WIPI1: variants seen among roughly 807,000 people sequenced by gnomAD.
The protein encoded by WIPI1 is WD repeat domain, phosphoinositide interacting 1.
Under a neutral mutation model 55.3 loss-of-function variants are expected in WIPI1, and 45 were observed. That is an observed-to-expected ratio of 0.81 (90% CI 0.64 to 1.04). The LOEUF (loss-of-function observed/expected upper bound fraction) is 1.04. Ranked by LOEUF, WIPI1 falls within the 50% of genes least tolerant of loss-of-function variation. WIPI1 has a pLI of 0.00. For synonymous variants in WIPI1, 195 were observed against 217.6 expected, an observed-to-expected ratio of 0.90 and a Z score of 0.92; for missense variants, 445 against 559.0, an observed-to-expected ratio of 0.80 and a Z score of 2.06.
intron 2 of WIPI1, among the ~76,000 whole-genome samples, chr17:68,452,218 C>T (rs552542285): frequency 3.9e-5 from 6 of 152,294 alleles, no homozygotes; most frequent in East Asian, 1.9e-4. Context: ...CAAATACTTC[C>T]AAAACTGAAT....
At position 68,430,072 on chromosome 17, in the gene WIPI1, T is replaced by C. The variant is rs201068452; in HGVS notation, c.889A>G (p.Met297Val). ...TNYLPTQVSD[M>V]MHQDRAFATA... ...GCAAAAGCCCTGTCCTGATGCATCA[T>C]GTCTGACACCTGGGTAGGGAGGTAG... Residue 297 changes from methionine (M) to valine (V), a missense_variant, in exon 9 of 13, where the codon ATG becomes GTG. Met to Val is a conservative substitution (Grantham distance 21). Coordinates refer to ENST00000262139, the MANE Select transcript of WIPI1 (RefSeq NM_017983.7). 48 of 1,614,194 alleles carry C rather than the reference T, an allele frequency of 3.0e-5. 1 individual carries two copies. In the Middle Eastern group the frequency reaches 4.9e-4, roughly 17 times the overall value.
At position 68,429,987 on chromosome 17, in the gene WIPI1, T is replaced by G; in HGVS notation, c.965+9A>C. On this transcript the variant is annotated intron_variant, in intron 9 of 12. Coordinates refer to ENST00000262139, the MANE Select transcript of WIPI1 (RefSeq NM_017983.7). Reference sequence around the variant, plus strand: ...TGGTCTTGTTCAGAGTGGGTGTCATTGTACGTACGTTGAGAGGGTACAGAT... The same window carrying G: ...TGGTCTTGTTCAGAGTGGGTGTCATGGTACGTACGTTGAGAGGGTACAGAT... 1 of 1,614,054 alleles carries G rather than the reference T, an allele frequency of 6.2e-7. No individual in the cohort carries two copies. Among genetic ancestry groups the G allele is most frequent in the Non-Finnish European group, 8.5e-7 (1 of 1,179,960 alleles).
At chr17:68,425,936 G>T in intron 12 of WIPI1, 139 bp downstream of exon 12, 4 of 685,508 alleles carry the variant, frequency 5.8e-6, no homozygotes, top group Non-Finnish European at 1.0e-5. Context: ...AATATCCTAT[G>T]GCTTTCCAAA....
In WIPI1 at chr17:68,424,452, T is replaced by C. The variant is rs749374782; in HGVS notation, c.1293+1623A>G. On this transcript the variant is annotated intron_variant, in intron 12 of 12. Coordinates refer to ENST00000262139, the MANE Select transcript of WIPI1 (RefSeq NM_017983.7). ...AGACCTGCACTCCATCCTTTTACAA[T>C]TGGAAGCTCAATGGACACAAAACAA... 11 of 534,610 alleles carry C rather than the reference T, an allele frequency of 2.1e-5. No homozygotes were observed. In the African/African-American group the frequency reaches 2.1e-4, roughly 10 times the overall value. The allele number at this position is 534,610 out of a possible 1,614,324, so 33.1% of individuals were successfully genotyped here. A position where few individuals can be genotyped will look rare whatever the true frequency, so the allele number is the denominator to read the frequency against.
At position 68,457,397 on chromosome 17, in the gene WIPI1, G is replaced by T. The variant is rs370958653; in HGVS notation, c.25C>A (p.Pro9Thr). The change falls in exon 1 of 13, where the codon CCC becomes ACC. Residue 9 changes from proline (P) to threonine (T), a missense_variant. By Grantham distance (38) the Pro-to-Thr change is conservative (BLOSUM62 -1). Coordinates refer to ENST00000262139, the MANE Select transcript of WIPI1 (RefSeq NM_017983.7). ...AGCGCCGACTCAACCCCGCCCGGGG[G>T]AGCGTCCGCGGCCTCGGCCTCCATC... is the stretch of plus-strand genomic sequence containing the variant. Reference protein sequence around the residue: MEAEAADAPPGGVESALSC... With the variant: MEAEAADATPGGVESALSC... 6.6e-4 allele frequency: 1,005 copies of T among 1,532,040 alleles called. No homozygotes were observed. Among genetic ancestry groups the T allele is most frequent in the Non-Finnish European group, 6.7e-4 (766 of 1,140,806 alleles). 94.9% of individuals were successfully genotyped at this position (1,532,040 alleles called of 1,614,324 possible). A position where few individuals can be genotyped will look rare whatever the true frequency, so the allele number is the denominator to read the frequency against.
At chr17:68,447,382 A>G (rs551463337) in intron 3 of WIPI1, among the ~76,000 whole-genome samples, 4 of 152,156 alleles carry the variant, frequency 2.6e-5, no homozygotes, top group African/African-American at 7.2e-5. Context: ...TTAAATTTTT[A>G]AATTTTTATT....
intron 2 of WIPI1, among the ~76,000 whole-genome samples, chr17:68,451,652 A>G (rs564491034): frequency 1.3e-5 from 2 of 152,268 alleles, no homozygotes; most frequent in South Asian, 4.1e-4. Context: ...TCTGCTTCAG[A>G]ATTCTTCTTG....
At chr17:68,426,254 G>GCCCCCCCCCC in intron 11 of WIPI1, 79 bp from the exon 12 acceptor site, 10 of 816,868 alleles carry the variant, frequency 1.2e-5, no homozygotes, top group East Asian at 3.5e-5. Flanking sequence ...GGGAGCGGGG[G>GCCCCCCCCCC]CTCAAATAAA....
intron 4 of WIPI1, among the ~76,000 whole-genome samples, chr17:68,441,475 C>T (rs2084074385): frequency 1.3e-5 from 2 of 152,190 alleles, no homozygotes; most frequent in Admixed American, 6.5e-5. Context: ...GTCACAGTTT[C>T]CATCTTATTT....
rs150206376 is a variant in WIPI1, at chr17:68,449,186, T to C, written c.333+1542A>G. On this transcript the variant is annotated intron_variant, in intron 3 of 12. Coordinates refer to ENST00000262139, the MANE Select transcript of WIPI1 (RefSeq NM_017983.7). ...CTCTGGGAATACTTAATTGAATAGA[T>C]AAATCTGCATGGTCACATAAAGAAT... 1.2e-3 allele frequency among the ~76,000 whole-genome samples: 178 copies of C among 152,360 alleles called. 1 individual carries two copies. Among genetic ancestry groups the C allele is most frequent in the African/African-American group, 4.1e-3 (172 of 41,592 alleles).
intron 3 of WIPI1, among the ~76,000 whole-genome samples, chr17:68,450,072 C>A (rs1162122700): frequency 6.6e-6 from 1 of 152,134 alleles, no homozygotes; most frequent in Non-Finnish European, 1.5e-5. Context: ...CTGCTAACAC[C>A]CCCAATACTT....
rs1416709831 is a variant in WIPI1, at chr17:68,450,814, T to C, written c.247A>G (p.Met83Val). 1 of 1,614,216 alleles carries C rather than the reference T, an allele frequency of 6.2e-7. No homozygotes were observed. The highest frequency in any genetic ancestry group is 8.5e-7 in the Non-Finnish European group (1 of 1,180,026). The change falls in exon 3 of 13, where the codon ATG becomes GTG. Residue 83 changes from methionine (M) to valine (V), a missense_variant. Transcript: ENST00000262139. ...VVVSHTKPRQ[M>V]NVYHFKKGTE... is the part of the protein sequence containing the mutation. ...CCTTTCTTGAAGTGATACACGTTCA[T>C]CTGCCGTGGTTTTGTGTGACTGACT...
chr17:68,425,669 C>T (rs1172163957), intron 12 of WIPI1, among the ~76,000 whole-genome samples: 1 of 152,198 alleles, frequency 6.6e-6, no homozygotes, highest in Non-Finnish European at 1.5e-5. Flanking sequence ...GAAACCATCC[C>T]CTCCAGCACA....
chr17:68,424,402 C>T, intron 12 of WIPI1: 1 of 532,338 alleles, frequency 1.9e-6, no homozygotes, highest in Non-Finnish European at 3.9e-6. Context: ...TAGAGGGTTC[C>T]ACGGATCTGC....
chr17:68,431,555 T>C (rs6501468), intron 8 of WIPI1, among the ~76,000 whole-genome samples: 117,172 of 152,062 alleles, frequency 0.77, 45,216 homozygotes, highest in Admixed American at 0.81. Context: ...GGAGGTGTCA[T>C]GTTCAAAGGG....
At chr17:68,454,990 C>T (rs2084610499) in intron 1 of WIPI1, among the ~76,000 whole-genome samples, 1 of 152,154 alleles carries the variant, frequency 6.6e-6, no homozygotes, top group Non-Finnish European at 1.5e-5. Flanking sequence ...TAAAGTCTTT[C>T]TGTAGAAACA....
At chr17:68,431,727 C>T (rs1311047485) in intron 8 of WIPI1, among the ~76,000 whole-genome samples, 2 of 152,284 alleles carry the variant, frequency 1.3e-5, no homozygotes, top group South Asian at 2.1e-4. Context: ...TGAAGAGGCA[C>T]GTGTGAGCCG....
At chr17:68,440,192 G>C (rs1006748307) in intron 4 of WIPI1, among the ~76,000 whole-genome samples, 6 of 152,144 alleles carry the variant, frequency 3.9e-5, no homozygotes, top group Non-Finnish European at 2.9e-5. Flanking sequence ...ATTTAGACAA[G>C]GAATCCTGCC....
At position 68,428,612 on chromosome 17, in the gene WIPI1, G is replaced by A. The variant is rs915211774; in HGVS notation, c.1073+217C>T. The A allele has an allele frequency of 5.5e-5, 28 of 504,682 alleles. No homozygotes were observed. The East Asian group carries it at 9.7e-4, about 18-fold the overall frequency. The allele number at this position is 504,682 out of a possible 1,614,324, so 31.3% of individuals were successfully genotyped here. On this transcript the variant is annotated intron_variant, in intron 10 of 12. Coordinates refer to ENST00000262139, the MANE Select transcript of WIPI1 (RefSeq NM_017983.7). ...GGCTGAGGGGGAGACCATCTTGTGT[G>A]TTATTAATCCTGGCACTTTTCCAGA...
Sources: gnomAD v4.1 joint callset for allele counts (sites outside exome capture counted in the v4.1 genomes callset) on GRCh38, gnomAD v4.1.1 for gene constraint, MANE v1.5 for transcripts, NCBI Gene and HGNC (gene_info 2026-07-23, HGNC 2026-07-21) for gene names.